The following MAMLD1 variants were observed in gnomAD, a reference collection of about 807,000 sequenced individuals.
MAMLD1 encodes the protein mastermind-like domain-containing protein 1.
Under a neutral mutation model 45.0 loss-of-function variants are expected in MAMLD1, and 14 were observed. That is an observed-to-expected ratio of 0.31 (90% CI 0.21 to 0.49). MAMLD1 has a LOEUF of 0.49. MAMLD1 is among the 20% of genes least tolerant of loss of function. The pLI is 0.99. For synonymous variants in MAMLD1, 254 were observed against 247.8 expected (o/e 1.02, Z -0.24); for missense variants, 543 against 603.6 (o/e 0.90, Z 1.05).
At chrX:150,415,219 G>A (rs901483287) in intron 1 of MAMLD1, among the ~76,000 whole-genome samples, 5 of 112,596 alleles carry the variant, frequency 4.4e-5, no homozygotes, top group African/African-American at 1.6e-4. Context: ...ATTGACCTTC[G>A]CAGATGTGTG....
At chrX:150,469,649 C>CTGTG in intron 3 of MAMLD1, 96 bp from the exon 4 acceptor site, 1 of 582,765 alleles carries the variant, frequency 1.7e-6, no homozygotes, top group African/African-American at 2.7e-5. Flanking sequence ...CTCTCTCTCT[C>CTGTG]TCTCTCTGTG....
intron 1 of MAMLD1, among the ~76,000 whole-genome samples, chrX:150,434,852 G>A (rs1445091556): frequency 1.8e-5 from 2 of 112,054 alleles, no homozygotes; most frequent in East Asian, 5.6e-4. Context: ...TTTAGAGTAT[G>A]TGCCATTTGC....
chrX:150,403,973 A>AAAGAAAGAAAGAAAGAAAGAAAGGAAGG (rs2033919234), intron 1 of MAMLD1, among the ~76,000 whole-genome samples: 5 of 92,342 alleles, frequency 5.4e-5, no homozygotes, highest in African/African-American at 2.3e-4. Context: ...AGAAAGAAAG[A>AAAGAAAGAAAGAAAGAAAGAAAGGAAGG]AAGAAAGAAA....
intron 1 of MAMLD1, among the ~76,000 whole-genome samples, chrX:150,366,751 C>T (rs1557400742): frequency 9.0e-6 from 1 of 111,378 alleles, no homozygotes; most frequent in African/African-American, 3.3e-5. Context: ...TGGGGGCCGC[C>T]CTGCCCTCTC....
chrX:150,398,319 A>G (rs868981809), intron 1 of MAMLD1, among the ~76,000 whole-genome samples: 8 of 94,499 alleles, frequency 8.5e-5, no homozygotes, highest in Admixed American at 2.3e-4. Context: ...AAGAAGAAGA[A>G]GAAGAAGAAG....
intron 1 of MAMLD1, among the ~76,000 whole-genome samples, chrX:150,398,800 T>C (rs192669603): frequency 8.6e-4 from 96 of 111,437 alleles, no homozygotes; most frequent in African/African-American, 2.9e-3. Context: ...TTATAGAAGG[T>C]TAGTTCCTGT....
chrX:150,493,512 C>T (rs2037256436), intron 5 of MAMLD1, among the ~76,000 whole-genome samples: 1 of 111,462 alleles, frequency 9.0e-6, no homozygotes, highest in Non-Finnish European at 1.9e-5. Flanking sequence ...AATAATAAAA[C>T]CAACAGTCAT....
At chrX:150,482,016 G>GAA (rs1169853493) in intron 5 of MAMLD1, among the ~76,000 whole-genome samples, 69 of 106,995 alleles carry the variant, frequency 6.4e-4, no homozygotes, top group African/African-American at 2.3e-3. Context: ...AAGAAAGAAA[G>GAA]AAAGAAAGAA....
At chrX:150,415,093 G>A (rs1172086261) in intron 1 of MAMLD1, among the ~76,000 whole-genome samples, 1 of 112,278 alleles carries the variant, frequency 8.9e-6, no homozygotes, top group Non-Finnish European at 1.9e-5. Flanking sequence ...TCAGCAGGCA[G>A]CATGTCTGCT....
intron 5 of MAMLD1, among the ~76,000 whole-genome samples, chrX:150,481,832 A>G (rs1175512179): frequency 9.3e-6 from 1 of 107,467 alleles, no homozygotes; most frequent in African/African-American, 3.4e-5. Flanking sequence ...CCCATCTCAA[A>G]AAATAAAAAA....
Position 150,390,224 on chromosome X carries a change from C to G in MAMLD1, c.-64+26694C>G, listed in dbSNP as rs193126573. On this transcript the variant is annotated intron_variant, in intron 1 of 7. Transcript: ENST00000370401. ...GGGACTACAGACATGCGCCACCATG[C>G]CTGGTTAATTTTCGTATGCTTTGTA... Among the ~76,000 whole-genome samples the G allele has an allele frequency of 2.2e-4, 24 of 111,598 alleles. No individual in the cohort carries two copies. In the East Asian group the frequency reaches 6.8e-3, roughly 32 times the overall value.
intron 1 of MAMLD1, among the ~76,000 whole-genome samples, chrX:150,409,368 G>A (rs1557402762): frequency 4.5e-5 from 5 of 110,512 alleles, no homozygotes; most frequent in South Asian, 4.0e-4. Context: ...GCAGGCTGCC[G>A]TGGCTGGACT....
intron 1 of MAMLD1, among the ~76,000 whole-genome samples, chrX:150,426,717 C>A (rs782395652): frequency 1.4e-4 from 15 of 110,778 alleles, no homozygotes; most frequent in African/African-American, 4.6e-4. Context: ...GATGTTCCAG[C>A]TCTTATTCAT....
In MAMLD1 at chrX:150,445,603, C is replaced by T. The variant is rs781837754; in HGVS notation, c.87C>T (p.Leu29=). Residue 29 remains leucine, a synonymous_variant, in exon 2 of 8, where the codon CTC becomes CTT. Coordinates refer to ENST00000370401, the MANE Select transcript of MAMLD1 (RefSeq NM_005491.5). ...GAAATCGTCAGGAGCCCAGAAAGCT[C>T]CAGGAATCGGTCAGACAATGGGCCA... ...MVGNRQEPRK[L]QESGKKPSWM... 1 of 1,200,415 alleles carries T rather than the reference C, an allele frequency of 8.3e-7. No homozygotes were observed. The highest frequency in any genetic ancestry group is 3.0e-5 in the East Asian group (1 of 33,685).
intron 1 of MAMLD1, among the ~76,000 whole-genome samples, chrX:150,401,399 C>T (rs1353646786): frequency 9.9e-6 from 1 of 101,270 alleles, no homozygotes; most frequent in African/African-American, 3.6e-5. Flanking sequence ...AACTACAAAC[C>T]ACTGCTCAAG....
At chrX:150,397,469 AT>A (rs201792210) in intron 1 of MAMLD1, among the ~76,000 whole-genome samples, 2 of 110,907 alleles carry the variant, frequency 1.8e-5, no homozygotes, top group African/African-American at 3.3e-5. Flanking sequence ...TCTAAGGATG[AT>A]TTTTTTTGTA....
rs56715525 is a variant in MAMLD1, at chrX:150,477,656, C to G, written c.2040+3854C>G. On this transcript the variant is annotated intron_variant, in intron 5 of 7. Coordinates refer to ENST00000370401, the MANE Select transcript of MAMLD1 (RefSeq NM_005491.5). ...GTAGGGGAGAATGTTGTCTTCTCTT[C>G]CCTCTAAGCACGGCCAGCTGAACTT... Among the ~76,000 whole-genome samples the G allele has an allele frequency of 6.9e-3, 771 of 111,650 alleles. 7 individuals are homozygous for G. Among genetic ancestry groups the G allele is most frequent in the African/African-American group, 0.024 (729 of 30,669 alleles).
intron 5 of MAMLD1, among the ~76,000 whole-genome samples, chrX:150,490,300 C>A (rs996547190): frequency 8.0e-5 from 9 of 112,327 alleles, no homozygotes; most frequent in African/African-American, 3.2e-5. Context: ...CCAAGGCTGG[C>A]TTGACTGGCT....
rs782595189 is a variant in MAMLD1, at chrX:150,512,942, T to C, written c.*983T>C. On this transcript the variant is annotated 3_prime_UTR_variant, in exon 8 of 8. Transcript: ENST00000370401. Reference sequence around the variant, plus strand: ...CATTGAAGCTCTCTTGAAAGGCTCCTGTGTGAGCCCAGATGAAGACTGGGT... The same window carrying C: ...CATTGAAGCTCTCTTGAAAGGCTCCCGTGTGAGCCCAGATGAAGACTGGGT... 2 of 1,156,203 alleles carry C rather than the reference T, an allele frequency of 1.7e-6. No homozygotes were observed. Among genetic ancestry groups the C allele is most frequent in the Non-Finnish European group, 2.3e-6 (2 of 872,821 alleles).
Sources: gnomAD v4.1 joint callset for allele counts (sites outside exome capture counted in the v4.1 genomes callset) on GRCh38, gnomAD v4.1.1 for gene constraint, MANE v1.5 for transcripts, NCBI Gene and HGNC (gene_info 2026-07-23, HGNC 2026-07-21) for gene names.